The following CTNNA2 variants were observed in gnomAD, a reference collection of about 807,000 sequenced individuals.
The protein encoded by CTNNA2 is catenin alpha 2.
In CTNNA2, 42 loss-of-function variants were observed where a neutral mutation model predicts 101.0. The observed-to-expected ratio is 0.42, with a 90% CI of 0.32 to 0.54. CTNNA2 has a LOEUF of 0.54. Among genes scored for constraint, CTNNA2 ranks in the 20% least tolerant of loss-of-function variants. CTNNA2 has a pLI of 0.14. For synonymous variants in CTNNA2, 450 were observed against 456.4 expected, an observed-to-expected ratio of 0.99 and a Z score of 0.18; for missense variants, 871 against 1,223.1, an observed-to-expected ratio of 0.71 and a Z score of 4.29.
chr2:79,731,713 G>T, intron 2 of CTNNA2, among the ~76,000 whole-genome samples: 1 of 152,062 alleles, frequency 6.6e-6, no homozygotes, highest in East Asian at 1.9e-4. Flanking sequence ...GGTTCATTTG[G>T]GCTGGAAGTA....
intron 1 of CTNNA2, among the ~76,000 whole-genome samples, chr2:79,617,557 A>C (rs1339226483): frequency 6.6e-6 from 1 of 152,176 alleles, no homozygotes; most frequent in African/African-American, 2.4e-5. Flanking sequence ...GATTCTGTTT[A>C]ATATACAGCT....
At chr2:80,043,544 A>G (rs1328230711) in intron 7 of CTNNA2, among the ~76,000 whole-genome samples, 1 of 152,154 alleles carries the variant, frequency 6.6e-6, no homozygotes, top group Non-Finnish European at 1.5e-5. Context: ...GGCTCTGAAT[A>G]TAGATCAAAC....
chr2:79,747,053 C>G (rs1313001473), intron 3 of CTNNA2, among the ~76,000 whole-genome samples: 4 of 152,198 alleles, frequency 2.6e-5, no homozygotes, highest in African/African-American at 9.7e-5. Flanking sequence ...AACACCAACC[C>G]TCCTTCCACA....
rs542513666 is a variant in CTNNA2, at chr2:80,355,294, G to A, written c.1057-37917G>A. Among the ~76,000 whole-genome samples the A allele has an allele frequency of 9.8e-5, 15 of 152,308 alleles. No individual in the cohort carries two copies. The South Asian group carries it at 3.1e-3, about 32-fold the overall frequency. On this transcript the variant is annotated intron_variant, in intron 7 of 18. Transcript: ENST00000402739. The stretch of plus-strand genomic sequence containing the variant: ...GCCACATGGCATAGTTTTGGCCAAT[G>A]AGATGTAAGCAGAAGCCATCTAGAA...
intron 2 of CTNNA2, among the ~76,000 whole-genome samples, chr2:79,265,564 G>A (rs1434403291): frequency 6.6e-6 from 1 of 152,146 alleles, no homozygotes; most frequent in Non-Finnish European, 1.5e-5. Flanking sequence ...TCTACTAAAT[G>A]AGCCACTCAT....
intron 7 of CTNNA2, among the ~76,000 whole-genome samples, chr2:80,025,791 A>G (rs1694890486): frequency 6.6e-6 from 1 of 152,226 alleles, no homozygotes; most frequent in African/African-American, 2.4e-5. Context: ...CAGGAATCAC[A>G]AAGCAGCACG....
intron 3 of CTNNA2, among the ~76,000 whole-genome samples, chr2:79,802,252 G>A (rs769092727): frequency 1.9e-4 from 29 of 152,274 alleles, no homozygotes; most frequent in Middle Eastern, 3.4e-3. Flanking sequence ...ATCACAGAAA[G>A]CTTCTAGGTA....
At chr2:80,603,819 C>G (rs1014392486) in intron 15 of CTNNA2, 1 of 411,204 alleles carries the variant, frequency 2.4e-6, no homozygotes, top group Non-Finnish European at 4.4e-6. Context: ...TCTTTTATAA[C>G]TGGCCATTGT....
intron 3 of CTNNA2, among the ~76,000 whole-genome samples, chr2:79,809,475 T>C (rs113393915): frequency 0.19 from 29,245 of 152,166 alleles, 3,312 homozygotes; most frequent in African/African-American, 0.32. Flanking sequence ...TTTTAATAAT[T>C]GCCACTGTAA....
At chr2:80,041,931 C>A (rs1293451430) in intron 7 of CTNNA2, among the ~76,000 whole-genome samples, 1 of 151,994 alleles carries the variant, frequency 6.6e-6, no homozygotes, top group African/African-American at 2.4e-5. Flanking sequence ...AGTTGATAAT[C>A]TAGTAGCTAG....
intron 13 of CTNNA2, among the ~76,000 whole-genome samples, chr2:80,574,791 G>A (rs1048633448): frequency 7.2e-5 from 11 of 152,120 alleles, no homozygotes; most frequent in African/African-American, 2.7e-4. Flanking sequence ...AATAAGGCTG[G>A]ATAGCCTAAC....
intron 8 of CTNNA2, among the ~76,000 whole-genome samples, chr2:80,410,841 G>A (rs1014265628): frequency 2.0e-5 from 3 of 152,140 alleles, no homozygotes; most frequent in Non-Finnish European, 4.4e-5. Context: ...GAGGATTCTG[G>A]CTTCCACTTT....
intron 3 of CTNNA2, among the ~76,000 whole-genome samples, chr2:79,847,363 T>C (rs1278729039): frequency 6.6e-6 from 1 of 151,690 alleles, no homozygotes; most frequent in Non-Finnish European, 1.5e-5. Flanking sequence ...ATCTATGTGG[T>C]GAAACCCTGT....
intron 6 of CTNNA2, among the ~76,000 whole-genome samples, chr2:79,876,929 A>G (rs933531414): frequency 5.3e-5 from 8 of 152,104 alleles, no homozygotes; most frequent in African/African-American, 1.9e-4. Flanking sequence ...CATGTTTTTT[A>G]TAAAACATGA....
intron 3 of CTNNA2, among the ~76,000 whole-genome samples, chr2:79,777,378 T>C (rs1434612302): frequency 7.1e-6 from 1 of 140,660 alleles, no homozygotes; most frequent in Non-Finnish European, 1.6e-5. Flanking sequence ...TGTGTGTGTC[T>C]GTACTGTGTA....
intron 7 of CTNNA2, among the ~76,000 whole-genome samples, chr2:79,910,209 G>A (rs1434025759): frequency 1.3e-5 from 2 of 152,164 alleles, no homozygotes; most frequent in Non-Finnish European, 2.9e-5. Flanking sequence ...TCACCCCTAA[G>A]AGGCATTAAT....
chr2:79,685,483 G>T (rs1180160459), intron 2 of CTNNA2, among the ~76,000 whole-genome samples: 1 of 152,142 alleles, frequency 6.6e-6, no homozygotes, highest in African/African-American at 2.4e-5. Context: ...TATAGGCCTA[G>T]TGGGGTAGTC....
chr2:79,760,307 G>T (rs1373334368), intron 3 of CTNNA2, among the ~76,000 whole-genome samples: 1 of 149,358 alleles, frequency 6.7e-6, no homozygotes, highest in Non-Finnish European at 1.5e-5. Flanking sequence ...GTGTGTGTGT[G>T]TGTGTATATA....
chr2:80,429,567 AT>A (rs1681302624), intron 9 of CTNNA2, among the ~76,000 whole-genome samples: 1 of 152,208 alleles, frequency 6.6e-6, no homozygotes, highest in African/African-American at 2.4e-5. Context: ...TTGTTTAAAA[AT>A]GTTAGCTGCT....
Sources: gnomAD v4.1 joint callset for allele counts (sites outside exome capture counted in the v4.1 genomes callset) on GRCh38, gnomAD v4.1.1 for gene constraint, MANE v1.5 for transcripts, NCBI Gene and HGNC (gene_info 2026-07-23, HGNC 2026-07-21) for gene names.